The following SLC43A1 variants were observed in gnomAD, a reference collection of about 807,000 sequenced individuals.
The protein encoded by SLC43A1 is large neutral amino acids transporter small subunit 3.
A neutral mutation model predicts 59.5 loss-of-function variants in SLC43A1; 31 were observed. The observed-to-expected ratio is 0.52, with a 90% CI of 0.39 to 0.70. SLC43A1 has a LOEUF of 0.70. Among genes scored for constraint, SLC43A1 ranks in the 30% least tolerant of loss-of-function variants. SLC43A1 has a pLI of 0.00. For missense variants in SLC43A1, 598 were observed against 717.8 expected, an observed-to-expected ratio of 0.83 and a Z score of 1.91; for synonymous variants, 259 against 290.9, an observed-to-expected ratio of 0.89 and a Z score of 1.12.
intron 7 of SLC43A1, among the ~76,000 whole-genome samples, chr11:57,495,590 G>A (rs1162796027): frequency 6.6e-6 from 1 of 152,048 alleles, no homozygotes; most frequent in Non-Finnish European, 1.5e-5. Flanking sequence ...CTTTGGAAGG[G>A]CAAGGGGGGA....
At chr11:57,492,283 TA>T (rs1004151450) in intron 8 of SLC43A1, among the ~76,000 whole-genome samples, 3 of 140,312 alleles carry the variant, frequency 2.1e-5, no homozygotes, top group Admixed American at 1.5e-4. Flanking sequence ...TACATATATA[TA>T]AAAATATATA....
intron 8 of SLC43A1, 145 bp from the exon 9 acceptor site, chr11:57,492,007 A>G (rs1789623555): frequency 2.0e-5 from 16 of 780,894 alleles, no homozygotes; most frequent in Non-Finnish European, 3.2e-5. Flanking sequence ...GAAAGTTCAG[A>G]TTCACTTGCC....
Position 57,497,782 on chromosome 11 carries a change from A to C in SLC43A1, c.529T>G (p.Ser177Ala), listed in dbSNP as rs753772642. Residue 177 changes from serine (S) to alanine (A), a missense_variant, in exon 6 of 15, where the codon TCT becomes GCT. Coordinates refer to ENST00000278426, the MANE Select transcript of SLC43A1 (RefSeq NM_003627.6). ...ATTCCTGGGAACGTAATGGCAGAAGAGGCGTAAGAGCCAATCATGAGGGCC... is the reference window on the plus strand; with the variant it reads ...ATTCCTGGGAACGTAATGGCAGAAGCGGCGTAAGAGCCAATCATGAGGGCC... ...LMALMIGSYASSAITFPGIKL... is the reference protein window; with the variant it reads ...LMALMIGSYAASAITFPGIKL... 6.2e-6 allele frequency: 10 copies of C among 1,613,710 alleles called. No individual in the cohort carries two copies.
chr11:57,514,748 G>T lies in SLC43A1; in HGVS notation c.-13-624C>A. On this transcript the variant is annotated intron_variant, in intron 1 of 14. Coordinates refer to ENST00000278426, the MANE Select transcript of SLC43A1 (RefSeq NM_003627.6). The surrounding 1 kb of genome is among the most constrained non-coding windows in gnomAD (Gnocchi z 5.5). ...GGGAGACCCAGGACGGGCTCTCCTCGGTTCCCTCCTCCCCCGCGCGCCCCT... is the reference window on the plus strand; with the variant it reads ...GGGAGACCCAGGACGGGCTCTCCTCTGTTCCCTCCTCCCCCGCGCGCCCCT... The T allele has an allele frequency of 1.1e-6, 1 of 902,952 alleles. No individual in the cohort carries two copies. Among genetic ancestry groups the T allele is most frequent in the Non-Finnish European group, 1.3e-6 (1 of 754,614 alleles). The allele number at this position is 902,952 out of a possible 1,614,324, so 55.9% of individuals were successfully genotyped here. A position where few individuals can be genotyped will look rare whatever the true frequency, so the allele number is the denominator to read the frequency against.
intron 2 of SLC43A1, among the ~76,000 whole-genome samples, chr11:57,512,670 T>G (rs549197074): frequency 3.3e-5 from 5 of 152,188 alleles, no homozygotes; most frequent in Middle Eastern, 3.4e-3. Context: ...GCCCTCCACT[T>G]GGTTCTTGCA....
intron 2 of SLC43A1, among the ~76,000 whole-genome samples, chr11:57,511,487 G>A (rs1205824236): frequency 6.6e-6 from 1 of 151,822 alleles, no homozygotes; most frequent in African/African-American, 2.4e-5. Context: ...TGTGGCCCAG[G>A]CTGGAGTATA....
In SLC43A1 at chr11:57,491,862, C is replaced by G. The variant is rs778194424; in HGVS notation, c.872G>C (p.Arg291Thr). 10 of 1,613,700 alleles carry G rather than the reference C, an allele frequency of 6.2e-6. No individual in the cohort carries two copies. The highest frequency in any genetic ancestry group is 2.2e-5 in the East Asian group (1 of 44,886). ...VRGTSENLPE[R>T]SVPLRKSLCS... ...GAGGCTCTTGCGTAAGGGGACAGAC[C>G]CTGGGGAGACAGCAGGGGGCGCCCC... Residue 291 changes from arginine to threonine, a missense_variant and splice_region_variant, in exon 9 of 15, where the codon AGG (arginine) becomes ACG (threonine). Arg to Thr is a moderately conservative substitution (Grantham distance 71, BLOSUM62 -1). Coordinates refer to ENST00000278426, the MANE Select transcript of SLC43A1 (RefSeq NM_003627.6).
At chr11:57,491,403 C>T (rs1943897520) in intron 10 of SLC43A1, 41 bp from the exon 11 acceptor site, 34 of 1,566,696 alleles carry the variant, frequency 2.2e-5, no homozygotes, top group Non-Finnish European at 2.9e-5. Context: ...GGAACTGGCA[C>T]TCAGTGGACA....
chr11:57,490,472 G>A (rs79189209), intron 11 of SLC43A1, among the ~76,000 whole-genome samples: 94 of 152,252 alleles, frequency 6.2e-4, no homozygotes, highest in African/African-American at 2.1e-3. Flanking sequence ...GGTATGCTAC[G>A]TCTGAGATTA....
intron 8 of SLC43A1, among the ~76,000 whole-genome samples, chr11:57,492,489 T>C (rs1186864601): frequency 2.3e-5 from 3 of 129,104 alleles, no homozygotes; most frequent in Non-Finnish European, 3.1e-5. Flanking sequence ...TAAAAAATAA[T>C]ATAATATATA....
chr11:57,498,458 G>T (rs1447677008), intron 5 of SLC43A1, among the ~76,000 whole-genome samples: 1 of 151,864 alleles, frequency 6.6e-6, no homozygotes, highest in Non-Finnish European at 1.5e-5. Flanking sequence ...CAAAAAAAAA[G>T]AAAAGAAAAG....
intron 8 of SLC43A1, among the ~76,000 whole-genome samples, chr11:57,493,219 AAGC>A (rs965846510): frequency 1.3e-5 from 2 of 152,166 alleles, no homozygotes; most frequent in African/African-American, 4.8e-5. Flanking sequence ...ACAGGGCTGG[AAGC>A]AGCAGGTCAG....
At chr11:57,512,838 C>G (rs760285212) in intron 2 of SLC43A1, among the ~76,000 whole-genome samples, 4 of 152,156 alleles carry the variant, frequency 2.6e-5, no homozygotes, top group Non-Finnish European at 5.9e-5. Flanking sequence ...CCATCTGTTG[C>G]ATCTTTACAG....
At position 57,489,239 on chromosome 11, in the gene SLC43A1, G is replaced by C. The variant is rs947528665; in HGVS notation, c.1335+12C>G. The C allele has an allele frequency of 6.2e-7, 1 of 1,614,184 alleles. No homozygotes were observed. Among genetic ancestry groups the C allele is most frequent in the South Asian group, 1.1e-5 (1 of 91,076 alleles). On this transcript the variant is annotated intron_variant, in intron 12 of 14. Transcript: ENST00000278426. ...CGGGAGGCAGGGAGAGGGGAAGGATGAAGGTGGGTACCTGGAGGTGTAAGT... is the reference window on the plus strand; with the variant it reads ...CGGGAGGCAGGGAGAGGGGAAGGATCAAGGTGGGTACCTGGAGGTGTAAGT...
At chr11:57,510,457 CAAAAAAAAAAAAAA>C (rs61412196) in intron 2 of SLC43A1, among the ~76,000 whole-genome samples, 4 of 25,776 alleles carry the variant, frequency 1.6e-4, no homozygotes, top group African/African-American at 4.7e-4. Context: ...GACTCCATCT[CAAAAAAAAAAAAAA>C]AAAAAAAAAA....
At position 57,487,096 on chromosome 11, in the gene SLC43A1, C is replaced by G; in HGVS notation, c.1532G>C (p.Trp511Ser). Reference protein sequence around the residue: ...MVGPLKGEPFWVNLGLLLFSL... With the variant: ...MVGPLKGEPFSVNLGLLLFSL... ...CCCCACACCAACCCTCGCTCTCACC[C>G]AGAAGGGCTCTCCTTTCAGGGGTCC... The change falls in exon 14 of 15, where the codon TGG becomes TCG. Residue 511 changes from tryptophan (W) to serine (S), a missense_variant and splice_region_variant. Trp to Ser is a radical substitution (Grantham distance 177). Coordinates refer to ENST00000278426, the MANE Select transcript of SLC43A1 (RefSeq NM_003627.6). 1 of 1,613,878 alleles carries G rather than the reference C, an allele frequency of 6.2e-7. No homozygotes were observed. Among genetic ancestry groups the G allele is most frequent in the Non-Finnish European group, 8.5e-7 (1 of 1,179,954 alleles).
At position 57,494,101 on chromosome 11, in the gene SLC43A1, T is replaced by C. The variant is rs1944009438; in HGVS notation, c.763A>G (p.Thr255Ala). Residue 255 changes from threonine (T) to alanine (A), a missense_variant, in exon 8 of 15, where the codon ACC becomes GCC. By Grantham distance (58) the Thr-to-Ala change is moderately conservative. Coordinates refer to ENST00000278426, the MANE Select transcript of SLC43A1 (RefSeq NM_003627.6). ...VTGDLFYTHV[T>A]TMGQRLSQKA... is the part of the protein sequence containing the mutation. ...TGGCTGAGCCTCTGGCCCATGGTGG[T>C]CACATGGGTGTAGAAGAGGTCACCT... 1.2e-6 allele frequency: 2 copies of C among 1,611,440 alleles called. No individual in the cohort carries two copies. Among genetic ancestry groups the C allele is most frequent in the Non-Finnish European group, 1.7e-6 (2 of 1,178,896 alleles).
chr11:57,487,204 T>C lies in SLC43A1; in HGVS notation c.1424A>G (p.His475Arg). ...CTGCAGGCCTGTCAGCGTCCCAAAG[T>C]GGTTGGATGGGAACCTGTCCACGAG... is the stretch of plus-strand genomic sequence containing the variant. ...SLYAAVFPSN[H>R]FGTLTGLQSL... The change falls in exon 14 of 15, where the codon CAC becomes CGC. Residue 475 changes from histidine (H) to arginine (R), a missense_variant. By Grantham distance (29) the His-to-Arg change is conservative. Transcript: ENST00000278426. 6.2e-7 allele frequency: 1 copy of C among 1,613,502 alleles called. No individual in the cohort carries two copies. Among genetic ancestry groups the C allele is most frequent in the Non-Finnish European group, 8.5e-7 (1 of 1,179,632 alleles).
At chr11:57,489,792 A>G (rs1270603248) in intron 11 of SLC43A1, among the ~76,000 whole-genome samples, 1 of 152,246 alleles carries the variant, frequency 6.6e-6, no homozygotes, top group African/African-American at 2.4e-5. Flanking sequence ...ACCGTCTCTC[A>G]TCAGAAGTCC....
Sources: gnomAD v4.1 joint callset for allele counts (sites outside exome capture counted in the v4.1 genomes callset) on GRCh38, gnomAD v4.1.1 for gene constraint, Gnocchi (gnomAD v3.1) non-coding constraint, MANE v1.5 for transcripts, NCBI Gene and HGNC (gene_info 2026-07-23, HGNC 2026-07-21) for gene names.